FARS2: variants seen among roughly 807,000 people sequenced by gnomAD.
The protein encoded by FARS2 is phenylalanine--tRNA ligase, mitochondrial.
A neutral mutation model predicts 46.4 loss-of-function variants in FARS2; 40 were observed. The observed-to-expected ratio is 0.86, with a 90% CI of 0.67 to 1.12. The LOEUF (loss-of-function observed/expected upper bound fraction) is 1.12, where lower values mean the gene tolerates loss of function less well. Among genes scored for constraint, FARS2 ranks in the 50% most tolerant of loss-of-function variants. FARS2 has a pLI of 0.00. For synonymous variants in FARS2, 234 were observed against 214.9 expected (o/e 1.09, Z -0.78); for missense variants, 513 against 567.9 (o/e 0.90, Z 0.98).
intron 1 of FARS2, among the ~76,000 whole-genome samples, chr6:5,299,167 C>A (rs1581724087): frequency 6.6e-6 from 1 of 152,190 alleles, no homozygotes; most frequent in Non-Finnish European, 1.5e-5. Flanking sequence ...GTTTTGATGG[C>A]AGTTTCATTT....
At chr6:5,521,661 T>G (rs1440638432) in intron 4 of FARS2, among the ~76,000 whole-genome samples, 2 of 152,192 alleles carry the variant, frequency 1.3e-5, no homozygotes, top group African/African-American at 2.4e-5. Context: ...AAAATTTGGA[T>G]ACAGGCAAGA....
At chr6:5,635,602 A>T (rs139950408) in intron 6 of FARS2, among the ~76,000 whole-genome samples, 1 of 151,988 alleles carries the variant, frequency 6.6e-6, no homozygotes, top group African/African-American at 2.4e-5. Flanking sequence ...GCTGGTGGGG[A>T]AGTGAGGTAG....
At chr6:5,324,569 T>G (rs1218126098) in intron 1 of FARS2, among the ~76,000 whole-genome samples, 2 of 151,976 alleles carry the variant, frequency 1.3e-5, no homozygotes, top group Non-Finnish European at 2.9e-5. Context: ...TTGGTCTGCT[T>G]CTTGCAAGTT....
intron 1 of FARS2, among the ~76,000 whole-genome samples, chr6:5,289,387 C>T (rs1767348324): frequency 6.6e-6 from 1 of 152,142 alleles, no homozygotes; most frequent in Non-Finnish European, 1.5e-5. Flanking sequence ...TGAAAGAAAA[C>T]CACAGATTTT....
intron 6 of FARS2, among the ~76,000 whole-genome samples, chr6:5,686,520 A>C (rs1039732905): frequency 1.4e-4 from 22 of 152,192 alleles, no homozygotes; most frequent in African/African-American, 4.8e-4. Context: ...TGTCCCTACA[A>C]AGAACATGAA....
intron 5 of FARS2, among the ~76,000 whole-genome samples, chr6:5,553,099 A>G (rs943737900): frequency 6.6e-6 from 1 of 152,240 alleles, no homozygotes; most frequent in Non-Finnish European, 1.5e-5. Context: ...ATGGTGGCTT[A>G]CAAGGTCAGC....
intron 4 of FARS2, among the ~76,000 whole-genome samples, chr6:5,437,277 A>G (rs1005241779): frequency 6.6e-6 from 1 of 152,188 alleles, no homozygotes. Context: ...GTTTTATTGT[A>G]AAATTCTTTG....
intron 1 of FARS2, among the ~76,000 whole-genome samples, chr6:5,299,291 A>T (rs188971292): frequency 9.8e-5 from 15 of 152,306 alleles, no homozygotes; most frequent in Non-Finnish European, 1.5e-4. Context: ...AATGCTTCCT[A>T]CACTCCTGTG....
At chr6:5,317,726 G>A (rs1386195092) in intron 1 of FARS2, among the ~76,000 whole-genome samples, 4 of 151,720 alleles carry the variant, frequency 2.6e-5, no homozygotes, top group African/African-American at 9.7e-5. Flanking sequence ...GCATCGGTGA[G>A]CCATGATTAT....
intron 6 of FARS2, among the ~76,000 whole-genome samples, chr6:5,648,244 G>A (rs1318598896): frequency 1.3e-5 from 2 of 152,258 alleles, no homozygotes; most frequent in East Asian, 1.9e-4. Context: ...GCAGCCAGCC[G>A]GCCTCCTTTG....
At chr6:5,742,286 C>G (rs1416138373) in intron 6 of FARS2, among the ~76,000 whole-genome samples, 1 of 152,204 alleles carries the variant, frequency 6.6e-6, no homozygotes, top group African/African-American at 2.4e-5. Flanking sequence ...ACGCTTAACT[C>G]CCATCTCTTA....
intron 1 of FARS2, among the ~76,000 whole-genome samples, chr6:5,365,552 A>G (rs971489321): frequency 4.0e-4 from 53 of 131,572 alleles, no homozygotes; most frequent in African/African-American, 1.5e-3. Context: ...GGGTCTTGTC[A>G]TGTTGCCCAG....
At position 5,618,611 on chromosome 6, in the gene FARS2, AT is replaced by A. The variant is rs1582599247; in HGVS notation, c.1217+5297del. The stretch of plus-strand genomic sequence containing the variant: ...TTCATAATATTAGACAAATGGAGAA[AT>A]TTTTTCTTGATTACAAATAACAGCT... On this transcript the variant is annotated intron_variant, in intron 6 of 6. Transcript: ENST00000274680. Among the ~76,000 whole-genome samples, 5 of 152,220 alleles carry A rather than the reference AT, an allele frequency of 3.3e-5. No individual in the cohort carries two copies. The East Asian group carries it at 9.7e-4, about 29-fold the overall frequency.
At chr6:5,593,127 T>C (rs1774008874) in intron 5 of FARS2, among the ~76,000 whole-genome samples, 2 of 152,102 alleles carry the variant, frequency 1.3e-5, no homozygotes, top group Non-Finnish European at 1.5e-5. Flanking sequence ...GTGCTTCTGG[T>C]TCATTAGCAG....
At chr6:5,621,420 C>T (rs1412631555) in intron 6 of FARS2, among the ~76,000 whole-genome samples, 4 of 152,122 alleles carry the variant, frequency 2.6e-5, no homozygotes, top group East Asian at 3.9e-4. Flanking sequence ...AGCTAAATAA[C>T]ATGCGAAAAG....
At chr6:5,676,177 G>A (rs895085170) in intron 6 of FARS2, among the ~76,000 whole-genome samples, 4 of 152,150 alleles carry the variant, frequency 2.6e-5, no homozygotes, top group African/African-American at 7.2e-5. Flanking sequence ...CTTTTCTTAA[G>A]GACACTCAAA....
intron 5 of FARS2, among the ~76,000 whole-genome samples, chr6:5,592,874 G>T (rs969186764): frequency 5.9e-5 from 9 of 152,192 alleles, no homozygotes; most frequent in African/African-American, 1.7e-4. Flanking sequence ...AGGTACCCAG[G>T]CCTCTTGAAG....
intron 6 of FARS2, among the ~76,000 whole-genome samples, chr6:5,636,723 T>TGGTC (rs1356502359): frequency 1.3e-5 from 2 of 152,302 alleles, no homozygotes; most frequent in East Asian, 3.9e-4. Context: ...GTTCCCCACC[T>TGGTC]GGTCAAGCCA....
chr6:5,479,734 A>G (rs1266848999), intron 4 of FARS2, among the ~76,000 whole-genome samples: 1 of 152,244 alleles, frequency 6.6e-6, no homozygotes, highest in Non-Finnish European at 1.5e-5. Flanking sequence ...GCGATTTAAA[A>G]AAATCATTCT....
Sources: gnomAD v4.1 joint callset for allele counts (sites outside exome capture counted in the v4.1 genomes callset) on GRCh38, gnomAD v4.1.1 for gene constraint, MANE v1.5 for transcripts, NCBI Gene and HGNC (gene_info 2026-07-23, HGNC 2026-07-21) for gene names.